The following DMD variants were observed in gnomAD, a reference collection of about 807,000 sequenced individuals.
DMD encodes mutant dystrophin.
DMD carries 63 observed loss-of-function variants against 330.1 expected under a neutral mutation model. The observed-to-expected ratio is 0.19, with a 90% CI of 0.16 to 0.24. The LOEUF is 0.24. DMD is among the 10% of genes least tolerant of loss of function. DMD has a pLI of 1.00. For missense variants in DMD, 3,344 were observed against 2,684.1 expected (o/e 1.25, Z -5.43); for synonymous variants, 1,223 against 959.8 (o/e 1.27, Z -5.07).
intron 44 of DMD, among the ~76,000 whole-genome samples, chrX:32,150,918 T>C (rs1182849635): frequency 1.8e-5 from 2 of 110,912 alleles, no homozygotes; most frequent in Non-Finnish European, 3.8e-5. Flanking sequence ...CTCCTCACTC[T>C]TGGAAGAAAA....
At chrX:32,040,008 T>C (rs2095986495) in intron 44 of DMD, among the ~76,000 whole-genome samples, 2 of 112,298 alleles carry the variant, frequency 1.8e-5, no homozygotes, top group South Asian at 3.7e-4. Flanking sequence ...TAATTTTAAA[T>C]TACATTGACA....
intron 44 of DMD, among the ~76,000 whole-genome samples, chrX:32,066,094 T>C (rs1447417042): frequency 1.8e-5 from 2 of 111,459 alleles, no homozygotes; most frequent in Non-Finnish European, 3.8e-5. Flanking sequence ...TTGAATCAGA[T>C]TGATTAACTT....
intron 44 of DMD, among the ~76,000 whole-genome samples, chrX:32,158,150 C>T (rs1011332978): frequency 1.8e-5 from 2 of 111,571 alleles, no homozygotes; most frequent in African/African-American, 6.5e-5. Context: ...AACTTTCTGG[C>T]TTCAACTTCC....
chrX:33,216,158 A>G (rs1382147029), upstream of DMD, among the ~76,000 whole-genome samples: 1 of 112,086 alleles, frequency 8.9e-6, no homozygotes, highest in Admixed American at 9.5e-5. Flanking sequence ...CCAATCCAAG[A>G]GCATGAAATG....
intron 60 of DMD, among the ~76,000 whole-genome samples, chrX:31,398,029 G>T (rs988991594): frequency 1.1e-4 from 12 of 112,525 alleles, no homozygotes; most frequent in Middle Eastern, 4.6e-3. Context: ...ATAATGCAAA[G>T]AAAAAGAACT....
At chrX:32,497,445 G>A (rs2043612769) in intron 19 of DMD, among the ~76,000 whole-genome samples, 1 of 111,941 alleles carries the variant, frequency 8.9e-6, no homozygotes, top group Non-Finnish European at 1.9e-5. Flanking sequence ...ACTACAAATA[G>A]AAATTGAAAA....
At chrX:31,246,582 A>C (rs763791472) in intron 63 of DMD, among the ~76,000 whole-genome samples, 1 of 112,316 alleles carries the variant, frequency 8.9e-6, no homozygotes, top group African/African-American at 3.2e-5. Flanking sequence ...CTGGTGACTA[A>C]GTTGAAGCCA....
At chrX:32,842,662 A>T (rs1176765883) in intron 4 of DMD, among the ~76,000 whole-genome samples, 1 of 111,038 alleles carries the variant, frequency 9.0e-6, no homozygotes, top group Non-Finnish European at 1.9e-5. Context: ...ACTTATTGAG[A>T]ATATGTGTTA....
At chrX:31,980,507 G>A (rs1304476519) in intron 44 of DMD, among the ~76,000 whole-genome samples, 3 of 111,692 alleles carry the variant, frequency 2.7e-5, no homozygotes, top group Admixed American at 9.5e-5. Flanking sequence ...AAGAATAGGT[G>A]CCTATTGGGG....
chrX:31,391,611 A>G (rs1159631255), intron 60 of DMD, among the ~76,000 whole-genome samples: 2 of 110,071 alleles, frequency 1.8e-5, no homozygotes, highest in African/African-American at 6.6e-5. Context: ...GGTGACTCAC[A>G]CCTGTAATCC....
At chrX:31,691,824 A>T (rs1173880363) in intron 52 of DMD, among the ~76,000 whole-genome samples, 3 of 112,293 alleles carry the variant, frequency 2.7e-5, no homozygotes, top group African/African-American at 9.7e-5. Context: ...ATAGCCTATA[A>T]CATAATAATA....
chrX:32,825,999 G>T (rs1228217323), intron 4 of DMD, among the ~76,000 whole-genome samples: 3 of 110,725 alleles, frequency 2.7e-5, no homozygotes, highest in African/African-American at 9.9e-5. Flanking sequence ...TAAAAAAATA[G>T]AAAAAATGAT....
chrX:31,635,795 T>C (rs1043791890), intron 54 of DMD, among the ~76,000 whole-genome samples: 2 of 111,280 alleles, frequency 1.8e-5, no homozygotes, highest in Admixed American at 1.9e-4. Context: ...GCAAAGCACA[T>C]GAACAGACAC....
intron 1 of DMD, among the ~76,000 whole-genome samples, chrX:33,121,483 T>A (rs2095424765): frequency 8.9e-6 from 1 of 111,893 alleles, no homozygotes; most frequent in African/African-American, 3.2e-5. Flanking sequence ...TCCGCCCACC[T>A]TGGCCTCTCA....
At position 32,000,584 on chromosome X, in the gene DMD, G is replaced by A. The variant is rs1051433583; in HGVS notation, c.6439-32070C>T. On this transcript the variant is annotated intron_variant, in intron 44 of 78. Transcript: ENST00000357033. ...TTTCTCAGGTCTGTGACTATTTAAA[G>A]GATTTATTTTTCTATTGTAAGTTTT... Among the ~76,000 whole-genome samples, 57 of 111,126 alleles carry A rather than the reference G, an allele frequency of 5.1e-4. 1 individual carries two copies. The highest frequency in any genetic ancestry group is 2.8e-4 in the East Asian group (1 of 3,510).
intron 67 of DMD, among the ~76,000 whole-genome samples, chrX:31,193,841 C>G (rs1388124124): frequency 2.7e-5 from 3 of 111,032 alleles, no homozygotes; most frequent in Non-Finnish European, 5.7e-5. Context: ...CAGAAAAGCC[C>G]AGAGTATGGG....
intron 18 of DMD, among the ~76,000 whole-genome samples, chrX:32,511,744 C>A (rs1250036014): frequency 1.8e-5 from 2 of 110,211 alleles, no homozygotes; most frequent in African/African-American, 6.6e-5. Context: ...TTCTATAGAG[C>A]TGTTTATCAT....
intron 52 of DMD, among the ~76,000 whole-genome samples, chrX:31,720,620 G>A (rs778905341): frequency 9.1e-6 from 1 of 110,110 alleles, no homozygotes; most frequent in Admixed American, 9.7e-5. Context: ...CACAAAAAAG[G>A]AAGAAAAACT....
At chrX:31,363,294 C>T (rs1160858241) in intron 60 of DMD, among the ~76,000 whole-genome samples, 1 of 107,607 alleles carries the variant, frequency 9.3e-6, no homozygotes, top group African/African-American at 3.4e-5. Context: ...TTCATAACTA[C>T]ATATAAGAAC....
Sources: gnomAD v4.1 joint callset for allele counts (sites outside exome capture counted in the v4.1 genomes callset) on GRCh38, gnomAD v4.1.1 for gene constraint, MANE v1.5 for transcripts, NCBI Gene and HGNC (gene_info 2026-07-23, HGNC 2026-07-21) for gene names.